The following ZRANB3 variants were observed in gnomAD, a reference collection of about 807,000 sequenced individuals.
ZRANB3 encodes the protein DNA annealing helicase and endonuclease ZRANB3.
Under a neutral mutation model 133.8 loss-of-function variants are expected in ZRANB3, and 125 were observed. The observed-to-expected ratio is 0.93, with a 90% CI of 0.81 to 1.08. ZRANB3 has a LOEUF of 1.08. ZRANB3 is among the 50% of genes least tolerant of loss of function. The pLI is 0.00. For synonymous variants in ZRANB3, 387 were observed against 432.7 expected, an observed-to-expected ratio of 0.89 and a Z score of 1.31; for missense variants, 1,229 against 1,275.5, an observed-to-expected ratio of 0.96 and a Z score of 0.56.
At chr2:135,437,248 G>A (rs1321043254) in intron 2 of ZRANB3, among the ~76,000 whole-genome samples, 4 of 152,244 alleles carry the variant, frequency 2.6e-5, no homozygotes, top group Admixed American at 6.5e-5. Flanking sequence ...GTGAGCCACC[G>A]GTGGCATATT....
intron 3 of ZRANB3, among the ~76,000 whole-genome samples, chr2:135,383,718 A>C (rs1270930105): frequency 6.6e-6 from 1 of 152,234 alleles, no homozygotes; most frequent in Non-Finnish European, 1.5e-5. Context: ...GACTACGTGG[A>C]AACTGAACAA....
chr2:135,511,554 G>C, intron 1 of ZRANB3: 1 of 1,019,724 alleles, frequency 9.8e-7, no homozygotes, highest in Non-Finnish European at 1.6e-6. Context: ...GCTATCTGAA[G>C]ATATCATTGT....
rs752247833 is a variant in ZRANB3 at position 135,271,730 on chromosome 2, G to A, written c.1206+38C>T. On this transcript the variant is annotated intron_variant, in intron 10 of 20. Coordinates refer to ENST00000264159, the MANE Select transcript of ZRANB3 (RefSeq NM_032143.4). ...GAATGGCCTTTTTTCTTATTTCAAT[G>A]ACATTTCATAACCAAATTTAGACTT... The A allele has an allele frequency of 8.2e-6, 13 of 1,577,314 alleles. No individual in the cohort carries two copies. The South Asian group carries it at 1.5e-4, about 19-fold the overall frequency.
At chr2:135,309,570 G>A (rs1009156900) in intron 8 of ZRANB3, among the ~76,000 whole-genome samples, 5 of 151,994 alleles carry the variant, frequency 3.3e-5, no homozygotes, top group Non-Finnish European at 7.4e-5. Flanking sequence ...TAAGAAAATC[G>A]ATAATAATTC....
At position 135,297,710 on chromosome 2, in the gene ZRANB3, T is replaced by C. The variant is rs191725517; in HGVS notation, c.966+15779A>G. 3.9e-5 allele frequency among the ~76,000 whole-genome samples: 6 copies of C among 152,330 alleles called. No homozygotes were observed. The East Asian group carries it at 1.2e-3, about 29-fold the overall frequency. ...GACTGGAGCTGTTCCTATTCAGCCA[T>C]CCTAAAAATTCTTTTTTCTTTGTCT... On this transcript the variant is annotated intron_variant, in intron 8 of 20. Coordinates refer to ENST00000264159, the MANE Select transcript of ZRANB3 (RefSeq NM_032143.4).
At chr2:135,516,540 G>C (rs1693705927) in intron 1 of ZRANB3, among the ~76,000 whole-genome samples, 1 of 152,134 alleles carries the variant, frequency 6.6e-6, no homozygotes, top group Non-Finnish European at 1.5e-5. Flanking sequence ...TAGTTTGGCT[G>C]GATATGAAAT....
intron 13 of ZRANB3, among the ~76,000 whole-genome samples, chr2:135,229,930 T>C (rs1364093011): frequency 6.6e-6 from 1 of 152,188 alleles, no homozygotes; most frequent in East Asian, 1.9e-4. Context: ...ATATTTATGA[T>C]TTCTGACTTT....
At chr2:135,327,923 A>G (rs935272949) in intron 6 of ZRANB3, among the ~76,000 whole-genome samples, 2 of 152,196 alleles carry the variant, frequency 1.3e-5, no homozygotes, top group African/African-American at 4.8e-5. Context: ...ATTACAGAAA[A>G]GTGTGTACAA....
chr2:135,309,339 A>G (rs1463486690), intron 8 of ZRANB3, among the ~76,000 whole-genome samples: 2 of 152,150 alleles, frequency 1.3e-5, no homozygotes, highest in African/African-American at 4.8e-5. Flanking sequence ...GATTGGCTAC[A>G]AGGTAAGGCT....
chr2:135,383,101 T>A, intron 3 of ZRANB3, among the ~76,000 whole-genome samples: 1 of 151,912 alleles, frequency 6.6e-6, no homozygotes, highest in East Asian at 1.9e-4. Context: ...AGGAAGCCCA[T>A]CTCAGTGCAG....
chr2:135,437,353 A>C (rs904166711), intron 2 of ZRANB3, among the ~76,000 whole-genome samples: 1 of 152,242 alleles, frequency 6.6e-6, no homozygotes, highest in African/African-American at 2.4e-5. Flanking sequence ...TCAGTGAAGA[A>C]AGCCAAACAC....
In ZRANB3 at chr2:135,314,287, G is replaced by A. The variant is rs575733409; in HGVS notation, c.850-682C>T. Among the ~76,000 whole-genome samples the A allele has an allele frequency of 7.9e-4, 121 of 152,288 alleles. 1 individual carries two copies. The highest frequency in any genetic ancestry group is 2.6e-3 in the African/African-American group (107 of 41,560). ...AAAGATGTGGTTTGATTTAAATAAA[G>A]ATGGGGAATATTAAATAAAATTAAT... is the stretch of plus-strand genomic sequence containing the variant. On this transcript the variant is annotated intron_variant, in intron 7 of 20. Coordinates refer to ENST00000264159, the MANE Select transcript of ZRANB3 (RefSeq NM_032143.4).
intron 2 of ZRANB3, among the ~76,000 whole-genome samples, chr2:135,422,059 A>T (rs1157952774): frequency 2.0e-5 from 3 of 151,884 alleles, no homozygotes; most frequent in Admixed American, 6.6e-5. Flanking sequence ...TTGATTTCTA[A>T]ATTCCTGAAT....
chr2:135,516,913 C>CA (rs1162511215), intron 1 of ZRANB3, among the ~76,000 whole-genome samples: 1 of 152,102 alleles, frequency 6.6e-6, no homozygotes, highest in East Asian at 1.9e-4. Context: ...GTACACCAAT[C>CA]AAAAATAGTT....
At chr2:135,375,512 C>A (rs937415310) in intron 3 of ZRANB3, among the ~76,000 whole-genome samples, 2 of 152,028 alleles carry the variant, frequency 1.3e-5, no homozygotes, top group African/African-American at 4.8e-5. Flanking sequence ...GGTGAAACCC[C>A]GTCTCTACTA....
At chr2:135,345,254 T>A in intron 6 of ZRANB3, 1 of 218,176 alleles carries the variant, frequency 4.6e-6, no homozygotes, top group South Asian at 9.5e-5. Context: ...TAACCTGAGG[T>A]CAGGAGTTCA....
rs566463591 is a variant in ZRANB3 at position 135,497,574 on chromosome 2, C to G, written c.161+6755G>C. Among the ~76,000 whole-genome samples, 4 of 152,280 alleles carry G rather than the reference C, an allele frequency of 2.6e-5. No individual in the cohort carries two copies. In the South Asian group the frequency reaches 8.3e-4, roughly 32 times the overall value. On this transcript the variant is annotated intron_variant, in intron 2 of 20. Transcript: ENST00000264159. ...TGCAGTGAATAGCTACTGAATTAAA[C>G]AGTACACATAAAGAATATTTCCATC...
chr2:135,463,673 T>A (rs1690863856), intron 2 of ZRANB3, among the ~76,000 whole-genome samples: 1 of 152,150 alleles, frequency 6.6e-6, no homozygotes, highest in Admixed American at 6.5e-5. Context: ...CGCCTCAGCC[T>A]CCCAAAGTGC....
intron 12 of ZRANB3, among the ~76,000 whole-genome samples, chr2:135,248,270 T>C (rs1369871460): frequency 1.3e-5 from 2 of 152,222 alleles, no homozygotes; most frequent in East Asian, 1.9e-4. Flanking sequence ...ACCAGAGCTA[T>C]TGAGCCAGTA....
Sources: gnomAD v4.1 joint callset for allele counts (sites outside exome capture counted in the v4.1 genomes callset) on GRCh38, gnomAD v4.1.1 for gene constraint, MANE v1.5 for transcripts, NCBI Gene and HGNC (gene_info 2026-07-23, HGNC 2026-07-21) for gene names.